DLG2: variants seen among roughly 807,000 people sequenced by gnomAD.
DLG2 encodes disks large homolog 2.
DLG2 carries 45 observed loss-of-function variants against 132.5 expected under a neutral mutation model. The ratio of observed to expected loss-of-function variants is 0.34; its 90% CI spans 0.27 to 0.44. The LOEUF (loss-of-function observed/expected upper bound fraction) is 0.44, where lower values mean the gene tolerates loss of function less well. Ranked by LOEUF, DLG2 falls within the 20% of genes least tolerant of loss-of-function variation. DLG2 has a pLI of 1.00. For synonymous variants in DLG2, 424 were observed against 419.6 expected (o/e 1.01, Z -0.13); for missense variants, 1,045 against 1,196.9 (o/e 0.87, Z 1.87).
chr11:85,157,457 A>C (rs776737177), intron 4 of DLG2, among the ~76,000 whole-genome samples: 2 of 152,168 alleles, frequency 1.3e-5, no homozygotes, highest in Non-Finnish European at 2.9e-5. Context: ...ATGCAAGATG[A>C]ATGCATTTGA....
chr11:83,532,535 C>T (rs1191627714), intron 21 of DLG2, among the ~76,000 whole-genome samples, 173 bp downstream of exon 21: 1 of 152,066 alleles, frequency 6.6e-6, no homozygotes, highest in African/African-American at 2.4e-5. Flanking sequence ...ATATATTTAC[C>T]ATAAATCCAT....
chr11:84,040,909 T>G (rs937085029), intron 11 of DLG2, among the ~76,000 whole-genome samples: 3 of 151,926 alleles, frequency 2.0e-5, no homozygotes, highest in Non-Finnish European at 4.4e-5. Context: ...AGCAGTGGTT[T>G]GTAGTTCTCC....
At chr11:85,297,271 T>C (rs1005119880) in intron 3 of DLG2, among the ~76,000 whole-genome samples, 1 of 152,182 alleles carries the variant, frequency 6.6e-6, no homozygotes, top group South Asian at 2.1e-4. Flanking sequence ...AAATAAAGTA[T>C]ACTGCCTTTT....
chr11:84,564,051 G>A (rs2099439415), intron 6 of DLG2, among the ~76,000 whole-genome samples: 1 of 152,144 alleles, frequency 6.6e-6, no homozygotes, highest in Admixed American at 6.6e-5. Flanking sequence ...TATTCTGTGT[G>A]TTTGCTTTAG....
intron 7 of DLG2, among the ~76,000 whole-genome samples, chr11:84,467,605 A>G (rs72943721): frequency 0.022 from 3,363 of 151,496 alleles, 59 homozygotes; most frequent in Non-Finnish European, 0.035. Flanking sequence ...CTTTTACATT[A>G]AAACACACCA....
At chr11:84,158,508 G>A (rs1298060191) in intron 9 of DLG2, among the ~76,000 whole-genome samples, 1 of 152,182 alleles carries the variant, frequency 6.6e-6, no homozygotes. Context: ...TGGACATAGG[G>A]CTGAATCCTA....
chr11:85,603,621 A>C (rs896451745), intron 2 of DLG2, among the ~76,000 whole-genome samples: 1 of 151,830 alleles, frequency 6.6e-6, no homozygotes, highest in Non-Finnish European at 1.5e-5. Context: ...TATTCTTTTA[A>C]AGGGCAATTC....
Position 83,949,096 on chromosome 11 carries a change from G to T in DLG2, c.1340+13789C>A, listed in dbSNP as rs116316472. On this transcript the variant is annotated intron_variant, in intron 14 of 27. Transcript: ENST00000376104. Reference sequence around the variant, plus strand: ...TTTTTACATTTTTTCTAATATTGTTGTCCCTATGGTCTCCAGTGTTGATTA... The same window carrying T: ...TTTTTACATTTTTTCTAATATTGTTTTCCCTATGGTCTCCAGTGTTGATTA... Among the ~76,000 whole-genome samples, 1,190 of 152,078 alleles carry T rather than the reference G, an allele frequency of 7.8e-3. 13 individuals carry two copies. The highest frequency in any genetic ancestry group is 0.027 in the African/African-American group (1,137 of 41,504).
chr11:84,677,818 G>A (rs1428269839), intron 6 of DLG2, among the ~76,000 whole-genome samples: 1 of 152,060 alleles, frequency 6.6e-6, no homozygotes, highest in Non-Finnish European at 1.5e-5. Flanking sequence ...TAGTGCAGGA[G>A]TTTTCCATTG....
intron 18 of DLG2, among the ~76,000 whole-genome samples, chr11:83,746,573 G>C (rs552041499): frequency 6.6e-6 from 1 of 151,748 alleles, no homozygotes; most frequent in African/African-American, 2.4e-5. Context: ...ATCAGGGCCT[G>C]TTGTGGGGTG....
intron 17 of DLG2, among the ~76,000 whole-genome samples, chr11:83,810,850 T>A (rs1409202263): frequency 6.6e-6 from 1 of 152,090 alleles, no homozygotes; most frequent in Non-Finnish European, 1.5e-5. Context: ...TTAGATAGCC[T>A]CTGTTCTTGA....
chr11:84,000,376 A>G (rs2094282742), intron 11 of DLG2, among the ~76,000 whole-genome samples: 1 of 152,124 alleles, frequency 6.6e-6, no homozygotes. Flanking sequence ...ATGGGACACC[A>G]TAAAGGGACC....
At chr11:83,924,736 G>C (rs1186397253) in intron 15 of DLG2, among the ~76,000 whole-genome samples, 2 of 152,070 alleles carry the variant, frequency 1.3e-5, no homozygotes, top group African/African-American at 4.8e-5. Context: ...TATGATTGAG[G>C]TCTTATAAAA....
chr11:84,951,966 G>A (rs2050980842), intron 6 of DLG2, among the ~76,000 whole-genome samples: 1 of 152,106 alleles, frequency 6.6e-6, no homozygotes, highest in Non-Finnish European at 1.5e-5. Context: ...ACCAGTCATT[G>A]AATATGTGGA....
intron 3 of DLG2, among the ~76,000 whole-genome samples, chr11:85,392,759 G>T (rs768854937): frequency 1.3e-5 from 2 of 152,116 alleles, no homozygotes; most frequent in African/African-American, 2.4e-5. Context: ...GGGATAACTG[G>T]CATGCCACAT....
chr11:83,523,046 T>C (rs1421844864), intron 21 of DLG2, among the ~76,000 whole-genome samples: 2 of 152,366 alleles, frequency 1.3e-5, no homozygotes, highest in South Asian at 4.1e-4. Context: ...TGACTGGACA[T>C]TCACTTCTGC....
At chr11:84,922,822 CT>C (rs960624721) in intron 6 of DLG2, among the ~76,000 whole-genome samples, 3 of 150,586 alleles carry the variant, frequency 2.0e-5, no homozygotes, top group Admixed American at 2.0e-4. Flanking sequence ...TTCTTCCCCC[CT>C]CTCCACCCCC....
At chr11:85,385,029 C>CT (rs1346890292) in intron 3 of DLG2, among the ~76,000 whole-genome samples, 1 of 152,106 alleles carries the variant, frequency 6.6e-6, no homozygotes, top group East Asian at 1.9e-4. Flanking sequence ...CCTGTTTATA[C>CT]TTTTTTCCCC....
At chr11:83,991,850 A>G (rs2093733176) in intron 11 of DLG2, among the ~76,000 whole-genome samples, 1 of 152,200 alleles carries the variant, frequency 6.6e-6, no homozygotes, top group South Asian at 2.1e-4. Flanking sequence ...GAATGTAATT[A>G]ACCTTATTTG....
Sources: gnomAD v4.1 joint callset for allele counts (sites outside exome capture counted in the v4.1 genomes callset) on GRCh38, gnomAD v4.1.1 for gene constraint, MANE v1.5 for transcripts, NCBI Gene and HGNC (gene_info 2026-07-23, HGNC 2026-07-21) for gene names.